Variants in AFDN observed in about 807,000 individuals in gnomAD.
AFDN encodes afadin, adherens junction formation factor.
AFDN carries 68 observed loss-of-function variants against 216.6 expected under a neutral mutation model. The observed-to-expected ratio is 0.31, with a 90% CI of 0.26 to 0.38. The LOEUF (loss-of-function observed/expected upper bound fraction) is 0.38, where lower values mean the gene tolerates loss of function less well. AFDN is among the 10% of genes least tolerant of loss of function. AFDN has a pLI of 1.00. For missense variants in AFDN, 2,136 were observed against 2,342.0 expected (o/e 0.91, Z 1.82); for synonymous variants, 868 against 853.7 (o/e 1.02, Z -0.29).
In AFDN at chr6:167,858,317, G is replaced by T. The variant is rs151143306; in HGVS notation, c.106-6234G>T. 6.3e-4 allele frequency among the ~76,000 whole-genome samples: 96 copies of T among 152,272 alleles called. No individual in the cohort carries two copies. The Middle Eastern group carries it at 0.01, about 16-fold the overall frequency. On this transcript the variant is annotated intron_variant, in intron 1 of 33. Transcript: ENST00000683244. The stretch of plus-strand genomic sequence containing the variant: ...ACTGGGGCAATTTAAAAAGTATGTT[G>T]GCTTGTTGGTTTTCACAGCAGGCTG...
chr6:167,883,844 C>T (rs146144834), intron 6 of AFDN, among the ~76,000 whole-genome samples: 1 of 151,662 alleles, frequency 6.6e-6, no homozygotes, highest in Non-Finnish European at 1.5e-5. Context: ...CCCTAAAATA[C>T]AACAAATGAA....
In AFDN at chr6:167,969,044, C is replaced by T. The variant is rs564497881; in HGVS notation, c.5258-70C>T. ...GTATTTTTGTATTCTCTGAGCACTG[C>T]ATCTTTATCATGAGTAAAGCTTAGA... On this transcript the variant is annotated intron_variant, in intron 32 of 33. Transcript: ENST00000683244. The T allele has an allele frequency of 2.1e-4, 257 of 1,215,294 alleles. 1 individual carries two copies. The African/African-American group carries it at 3.1e-3, about 15-fold the overall frequency. The allele number at this position is 1,215,294 out of a possible 1,614,324, so 75.3% of individuals were successfully genotyped here. A position where few individuals can be genotyped will look rare whatever the true frequency, so the allele number is the denominator to read the frequency against.
intron 6 of AFDN, among the ~76,000 whole-genome samples, chr6:167,887,443 C>CTTT (rs1233534960): frequency 5.6e-5 from 7 of 126,090 alleles, no homozygotes; most frequent in African/African-American, 8.9e-5. Context: ...CTCAGCTTGC[C>CTTT]TTTTTTTTTT....
chr6:167,968,831 C>T (rs1421044989), intron 32 of AFDN: 1 of 373,580 alleles, frequency 2.7e-6, no homozygotes. Flanking sequence ...GTTGCTGTGC[C>T]AGTCAGAGGC....
chr6:167,875,434 G>C lies in AFDN; in HGVS notation c.678G>C (p.Arg226Ser). Residue 226 changes from arginine (R) to serine (S), a missense_variant, in exon 5 of 34, where the codon AGG (arginine) becomes AGC (serine). Physicochemically the swap from Arg to Ser is moderately radical, Grantham distance 110. Around this residue, in one of 8 missense-constraint regions of AFDN, gnomAD observed 817 missense variants for 965.7 expected, o/e 0.85. Coordinates refer to ENST00000683244, the MANE Select transcript of AFDN (RefSeq NM_001386888.1). The stretch of plus-strand genomic sequence containing the variant: ...CTGAGGTGGTTATGAAACGACGGAG[G>C]CAGCAAAAATTGGAAAAGAGAATGC... ...SNPEVVMKRR[R>S]QQKLEKRMQE... 6.2e-7 allele frequency: 1 copy of C among 1,613,994 alleles called. No individual in the cohort carries two copies. Among genetic ancestry groups the C allele is most frequent in the Non-Finnish European group, 8.5e-7 (1 of 1,179,962 alleles).
intron 2 of AFDN, among the ~76,000 whole-genome samples, chr6:167,869,596 C>G (rs1308743032): frequency 6.6e-6 from 1 of 152,142 alleles, no homozygotes; most frequent in East Asian, 1.9e-4. Flanking sequence ...TTAGTGTTCT[C>G]CAGCCTAGGA....
intron 17 of AFDN, 45 bp downstream of exon 17, chr6:167,914,358 G>T: frequency 6.3e-7 from 1 of 1,585,072 alleles, no homozygotes; most frequent in South Asian, 1.1e-5. Flanking sequence ...AAATAATTAA[G>T]TCATTTGTTT....
intron 8 of AFDN, 101 bp from the exon 9 acceptor site, chr6:167,893,761 T>C (rs1787894793): frequency 1.1e-6 from 1 of 874,944 alleles, no homozygotes. Context: ...AAGTTCACCC[T>C]CTGCGTCTCT....
Position 167,826,982 on chromosome 6 carries a change from G to GGACGC in AFDN, c.-149_-145dup, listed in dbSNP as rs1197494919. On this transcript the variant is annotated 5_prime_UTR_variant, in exon 1 of 34. Coordinates refer to ENST00000683244, the MANE Select transcript of AFDN (RefSeq NM_001386888.1). ...AGCCCCAGGCGGAGGCCAAGTCGGA[G>GGACGC]GACGCGGCGCGGCCGCGGAGGCGGA... is the stretch of plus-strand genomic sequence containing the variant. 65 of 166,110 alleles carry GGACGC rather than the reference G, an allele frequency of 3.9e-4. No individual in the cohort carries two copies. Among genetic ancestry groups the GGACGC allele is most frequent in the Non-Finnish European group, 7.1e-4 (59 of 82,988 alleles). 10.3% of individuals were successfully genotyped at this position (166,110 alleles called of 1,614,324 possible).
chr6:167,964,027 C>G, intron 31 of AFDN: 1 of 1,064,312 alleles, frequency 9.4e-7, no homozygotes, highest in South Asian at 4.6e-5. Flanking sequence ...TGGGTTGTCA[C>G]GGCAGCACAG....
chr6:167,949,154 A>G (rs1167345973), intron 29 of AFDN, among the ~76,000 whole-genome samples: 2 of 152,220 alleles, frequency 1.3e-5, no homozygotes, highest in African/African-American at 2.4e-5. Context: ...ACGTTATCCA[A>G]TGTGGTTTTC....
chr6:167,857,274 T>C (rs1783013086), intron 1 of AFDN, among the ~76,000 whole-genome samples: 1 of 151,988 alleles, frequency 6.6e-6, no homozygotes, highest in South Asian at 2.1e-4. Flanking sequence ...GGTTACCAGG[T>C]TTGTAGTTCA....
rs763151578 is a variant in AFDN at position 167,948,292 on chromosome 6, G to A, written c.3646-1G>A. On this transcript the variant is annotated splice_acceptor_variant, in intron 28 of 33. Transcript: ENST00000683244. LOFTEE classifies it high-confidence loss of function. ...CTTTTTTTGTTCTTCACATTTTACA[G>A]GAGCAGACGCCTCCGCCTAGACCTG... The A allele has an allele frequency of 1.3e-6, 2 of 1,598,920 alleles. No individual in the cohort carries two copies. The highest frequency in any genetic ancestry group is 1.7e-6 in the Non-Finnish European group (2 of 1,173,600).
At chr6:167,889,087 G>C in intron 6 of AFDN, 128 bp from the exon 7 acceptor site, 1 of 593,688 alleles carries the variant, frequency 1.7e-6, no homozygotes, top group South Asian at 2.4e-5. Context: ...TGATGAGTGA[G>C]AATTGTTTCT....
intron 12 of AFDN, among the ~76,000 whole-genome samples, chr6:167,906,811 C>T (rs1789748878): frequency 6.6e-6 from 1 of 152,218 alleles, no homozygotes; most frequent in African/African-American, 2.4e-5. Flanking sequence ...TCATGTTGTA[C>T]ATATTTTCTT....
At chr6:167,954,786 C>G (rs1796332726) in intron 30 of AFDN, among the ~76,000 whole-genome samples, 1 of 152,142 alleles carries the variant, frequency 6.6e-6, no homozygotes, top group Non-Finnish European at 1.5e-5. Flanking sequence ...AATACATGAG[C>G]AAATGAAATA....
chr6:167,947,691 A>T (rs1795481778), intron 27 of AFDN, among the ~76,000 whole-genome samples, 162 bp from the exon 28 acceptor site: 1 of 151,858 alleles, frequency 6.6e-6, no homozygotes, highest in Non-Finnish European at 1.5e-5. Flanking sequence ...TGTGGATATG[A>T]CAAGACCTGA....
At chr6:167,845,576 A>G (rs1583133046) in intron 1 of AFDN, among the ~76,000 whole-genome samples, 1 of 152,098 alleles carries the variant, frequency 6.6e-6, no homozygotes, top group South Asian at 2.1e-4. Flanking sequence ...GGGTTTCGCC[A>G]TGTTGGTCAG....
rs991662678 is a variant in AFDN at position 167,925,165 on chromosome 6, C to T, written c.3099+74C>T. On this transcript the variant is annotated intron_variant, in intron 23 of 33. Coordinates refer to ENST00000683244, the MANE Select transcript of AFDN (RefSeq NM_001386888.1). Reference sequence around the variant, plus strand: ...TGAATCAGTGGTTGTCAGAGTGGATCGTGTGGGAGTACTTTACCACCTGTG... The same window carrying T: ...TGAATCAGTGGTTGTCAGAGTGGATTGTGTGGGAGTACTTTACCACCTGTG... 5 of 1,050,790 alleles carry T rather than the reference C, an allele frequency of 4.8e-6. No homozygotes were observed. In the African/African-American group the frequency reaches 6.3e-5, roughly 13 times the overall value. 65.1% of individuals were successfully genotyped at this position (1,050,790 alleles called of 1,614,324 possible). A position where few individuals can be genotyped will look rare whatever the true frequency, so the allele number is the denominator to read the frequency against.
Sources: allele counts gnomAD v4.1 joint callset (sites outside exome capture counted in the v4.1 genomes callset), GRCh38; gene constraint gnomAD v4.1.1; regional missense constraint gnomAD v4.1.1; transcripts MANE v1.5; gene names NCBI Gene and HGNC (gene_info 2026-07-23, HGNC 2026-07-21).